The following SLC12A1 variants were observed in gnomAD, a reference collection of about 807,000 sequenced individuals.
The protein encoded by SLC12A1 is solute carrier family 12 member 1.
In SLC12A1, 89 loss-of-function variants were observed where a neutral mutation model predicts 130.4. The ratio of observed to expected loss-of-function variants is 0.68; its 90% CI spans 0.58 to 0.81. The LOEUF (loss-of-function observed/expected upper bound fraction) is 0.81, where lower values mean the gene tolerates loss of function less well. Ranked by LOEUF, SLC12A1 falls within the 40% of genes least tolerant of loss-of-function variation. The pLI, the probability that SLC12A1 is intolerant of heterozygous loss-of-function variation, is 0.00. For synonymous variants in SLC12A1, 499 were observed against 460.0 expected (o/e 1.08, Z -1.09); for missense variants, 1,310 against 1,336.4 (o/e 0.98, Z 0.31).
At chr15:48,225,264 T>A (rs554764348) in intron 4 of SLC12A1, 1 of 152,202 alleles carries the variant, frequency 6.6e-6, no homozygotes, top group Non-Finnish European at 1.5e-5. Flanking sequence ...ACTTTACCCA[T>A]CTGCCAGATG....
rs529700695 is a variant in SLC12A1, at chr15:48,284,610, T to G, written c.2486-496T>G. ...TTTTTCTAAGCTAGTTGTGACAACT[T>G]TCTGAATACAATTTACTAAGATACA... On this transcript the variant is annotated intron_variant, in intron 20 of 26. Transcript: ENST00000380993. 3.9e-4 allele frequency among the ~76,000 whole-genome samples: 59 copies of G among 152,328 alleles called. 1 individual carries two copies. The South Asian group carries it at 0.012, about 32-fold the overall frequency.
At chr15:48,237,079 G>A in intron 9 of SLC12A1, 2 of 698,802 alleles carry the variant, frequency 2.9e-6, no homozygotes, top group Non-Finnish European at 5.2e-6. Flanking sequence ...GAACAAGCAA[G>A]AGTAGAATCA....
intron 17 of SLC12A1, 46 bp downstream of exon 17, chr15:48,259,357 A>C (rs1369721993): frequency 2.4e-6 from 3 of 1,254,304 alleles, no homozygotes; most frequent in Non-Finnish European, 3.5e-6. Context: ...CTCCCTGCTT[A>C]TCTTGGATTA....
At chr15:48,255,959 G>A (rs763712836) in intron 16 of SLC12A1, 49 bp downstream of exon 16, 9 of 1,148,262 alleles carry the variant, frequency 7.8e-6, no homozygotes, top group African/African-American at 4.6e-5. Flanking sequence ...CCTAGAAGTG[G>A]CTCTCCTTTA....
At chr15:48,291,909 CTCAT>C in intron 24 of SLC12A1, 45 bp downstream of exon 24, 2 of 1,173,250 alleles carry the variant, frequency 1.7e-6, no homozygotes, top group East Asian at 5.1e-5. Context: ...ATGGTACTCT[CTCAT>C]TCTCTTTTGT....
chr15:48,301,438 G>A (rs1271471676), intron 26 of SLC12A1, 56 bp downstream of exon 26: 1 of 1,192,434 alleles, frequency 8.4e-7, no homozygotes. Context: ...GGGTTAATGG[G>A]TTAATCCATT....
At chr15:48,289,427 AT>A (rs1566857983) in intron 23 of SLC12A1, among the ~76,000 whole-genome samples, 1,611 of 108,528 alleles carry the variant, frequency 0.015, 43 homozygotes, top group African/African-American at 0.048. Context: ...ATATATATAT[AT>A]AATGTATAAC....
chr15:48,212,162 C>T (rs1275120511), intron 2 of SLC12A1, among the ~76,000 whole-genome samples: 1 of 151,970 alleles, frequency 6.6e-6, no homozygotes, highest in Non-Finnish European at 1.5e-5. Context: ...TTTATACTAG[C>T]TTTTTATTTT....
At position 48,245,441 on chromosome 15, in the gene SLC12A1, C is replaced by T. The variant is rs76335698; in HGVS notation, c.1452+537C>T. Among the ~76,000 whole-genome samples the T allele has an allele frequency of 8.7e-3, 1,318 of 152,154 alleles. 19 individuals carry two copies. The highest frequency in any genetic ancestry group is 0.03 in the African/African-American group (1,241 of 41,506). Reference sequence around the variant, plus strand: ...CCTTCCTCTATCCCCTCTCTGGTCGCCCCCAGTGTCCCTTGTTGCCACTCT... The same window carrying T: ...CCTTCCTCTATCCCCTCTCTGGTCGTCCCCAGTGTCCCTTGTTGCCACTCT... On this transcript the variant is annotated intron_variant, in intron 11 of 26. Transcript: ENST00000380993.
intron 19 of SLC12A1, 128 bp from the exon 20 acceptor site, chr15:48,274,443 G>A (rs1169297826): frequency 4.3e-6 from 3 of 693,982 alleles, no homozygotes; most frequent in East Asian, 5.6e-5. Flanking sequence ...TCAGCTCTTG[G>A]CTATATTCTA....
chr15:48,222,527 A>G (rs1420395207), intron 4 of SLC12A1: 1 of 152,152 alleles, frequency 6.6e-6, no homozygotes, highest in East Asian at 1.9e-4. Flanking sequence ...ATATATTAGA[A>G]GAGAGTAAAA....
chr15:48,235,150 T>C, intron 9 of SLC12A1, 146 bp downstream of exon 9: 1 of 896,868 alleles, frequency 1.1e-6, no homozygotes, highest in Non-Finnish European at 1.8e-6. Context: ...ATTTAAAAGT[T>C]CTCTCTTTTA....
chr15:48,302,826 C>T lies in SLC12A1; in HGVS notation c.3241C>T (p.Leu1081Phe). The T allele has an allele frequency of 6.2e-7, 1 of 1,612,806 alleles. No homozygotes were observed. Among genetic ancestry groups the T allele is most frequent in the Non-Finnish European group, 8.5e-7 (1 of 1,178,954 alleles). Residue 1081 changes from leucine (L) to phenylalanine (F), a missense_variant, in exon 27 of 27, where the codon CTC becomes TTC. Leu to Phe is a conservative substitution (Grantham distance 22). Transcript: ENST00000380993. ...TTGGTTGGAAATCCTCACAAAGAACCTCCCACCTGTCTTACTAGTTAGAGG... is the reference window on the plus strand; with the variant it reads ...TTGGTTGGAAATCCTCACAAAGAACTTCCCACCTGTCTTACTAGTTAGAGG... ...MAWLEILTKNLPPVLLVRGNH... is the reference protein window; with the variant it reads ...MAWLEILTKNFPPVLLVRGNH...
intron 2 of SLC12A1, among the ~76,000 whole-genome samples, chr15:48,218,810 A>G (rs2041160629): frequency 6.6e-6 from 1 of 152,218 alleles, no homozygotes; most frequent in African/African-American, 2.4e-5. Context: ...AGCTCAAAGA[A>G]GTACAGTCTA....
At chr15:48,281,940 T>A (rs1394209611) in intron 20 of SLC12A1, among the ~76,000 whole-genome samples, 1 of 152,176 alleles carries the variant, frequency 6.6e-6, no homozygotes, top group African/African-American at 2.4e-5. Flanking sequence ...CTACTCTTAA[T>A]TTCCCTGCAT....
At chr15:48,298,877 T>A (rs534421433) in intron 24 of SLC12A1, among the ~76,000 whole-genome samples, 9 of 152,250 alleles carry the variant, frequency 5.9e-5, no homozygotes, top group Non-Finnish European at 1.2e-4. Context: ...TAAGTATGTA[T>A]GCGTATGTGT....
chr15:48,213,358 A>T (rs1298517453), intron 2 of SLC12A1, among the ~76,000 whole-genome samples: 2 of 152,158 alleles, frequency 1.3e-5, no homozygotes, highest in Non-Finnish European at 2.9e-5. Flanking sequence ...TGAGACTGTG[A>T]CAAAAGATTG....
intron 11 of SLC12A1, among the ~76,000 whole-genome samples, chr15:48,246,417 T>C (rs560336784): frequency 1.3e-5 from 2 of 152,364 alleles, no homozygotes; most frequent in East Asian, 3.9e-4. Flanking sequence ...TCTGGATATA[T>C]TGCGGGTGAG....
At chr15:48,209,068 C>T (rs1174960033) in intron 2 of SLC12A1, among the ~76,000 whole-genome samples, 1 of 152,066 alleles carries the variant, frequency 6.6e-6, no homozygotes, top group South Asian at 2.1e-4. Context: ...GCACTTTTCC[C>T]AATCTTTTTT....
Sources: gnomAD v4.1 joint callset for allele counts (sites outside exome capture counted in the v4.1 genomes callset) on GRCh38, gnomAD v4.1.1 for gene constraint, MANE v1.5 for transcripts, NCBI Gene and HGNC (gene_info 2026-07-23, HGNC 2026-07-21) for gene names.